PCNT: variants seen among roughly 807,000 people sequenced by gnomAD.
PCNT encodes pericentrin.
In PCNT, 319 loss-of-function variants were observed where a neutral mutation model predicts 380.4. The ratio of observed to expected loss-of-function variants is 0.84; its 90% CI spans 0.77 to 0.92. The LOEUF (loss-of-function observed/expected upper bound fraction) is 0.92. Ranked by LOEUF, PCNT falls within the 40% of genes least tolerant of loss-of-function variation. PCNT has a pLI of 0.00. For synonymous variants in PCNT, 1,845 were observed against 1,735.2 expected (o/e 1.06, Z -1.57); for missense variants, 4,400 against 4,255.3 (o/e 1.03, Z -0.95).
intron 15 of PCNT, among the ~76,000 whole-genome samples, chr21:46,380,210 A>G (rs1393356926): frequency 2.4e-4 from 28 of 118,330 alleles, no homozygotes; most frequent in African/African-American, 8.0e-4. Context: ...CGCCCAGGCT[A>G]GAGTGCAGTG....
At chr21:46,393,016 G>A (rs993403583) in intron 21 of PCNT, among the ~76,000 whole-genome samples, 24 of 152,116 alleles carry the variant, frequency 1.6e-4, no homozygotes, top group South Asian at 2.1e-4. Context: ...TTTATTTGCC[G>A]CACCTCCTGG....
At chr21:46,359,400 G>A (rs984569856) in intron 13 of PCNT, among the ~76,000 whole-genome samples, 4 of 143,660 alleles carry the variant, frequency 2.8e-5, no homozygotes, top group African/African-American at 7.7e-5. Flanking sequence ...GTTGTTACAC[G>A]TGTACACATT....
chr21:46,401,769 C>T (rs2086436455), intron 26 of PCNT, 48 bp downstream of exon 26: 1 of 1,584,594 alleles, frequency 6.3e-7, no homozygotes, highest in Admixed American at 1.7e-5. Context: ...GGTCAGTGTC[C>T]AGTGGGCTTC....
chr21:46,364,039 G>A (rs1239624979), intron 14 of PCNT, 105 bp downstream of exon 14: 6 of 1,022,616 alleles, frequency 5.9e-6, no homozygotes, highest in Non-Finnish European at 7.4e-6. Flanking sequence ...TCCACTGGGC[G>A]AAAAGGTCTG....
rs542067233 is a variant in PCNT, at chr21:46,381,191, A to T, written c.3166-503A>T. Among the ~76,000 whole-genome samples, 134 of 97,878 alleles carry T rather than the reference A, an allele frequency of 1.4e-3. 18 individuals are homozygous for T. The highest frequency in any genetic ancestry group is 7.1e-3 in the African/African-American group (113 of 15,926). The allele number at this position is 97,878 out of a possible 152,430, so 64.2% of individuals were successfully genotyped here. A position where few individuals can be genotyped will look rare whatever the true frequency, so the allele number is the denominator to read the frequency against. Reference sequence around the variant, plus strand: ...AGTCCTTCCAAAAAAAAAAAAAAAAAATCTCTGTGTGTGTGTGTGTGTGTG... The same window carrying T: ...AGTCCTTCCAAAAAAAAAAAAAAAATATCTCTGTGTGTGTGTGTGTGTGTG... On this transcript the variant is annotated intron_variant, in intron 15 of 46. Coordinates refer to ENST00000359568, the MANE Select transcript of PCNT (RefSeq NM_006031.6).
chr21:46,360,677 C>G (rs1302835989), intron 13 of PCNT, among the ~76,000 whole-genome samples: 1 of 152,044 alleles, frequency 6.6e-6, no homozygotes, highest in African/African-American at 2.4e-5. Flanking sequence ...CGCCACCACA[C>G]CCAGCTAATT....
chr21:46,443,941 G>A lies in PCNT; in HGVS notation c.9832G>A (p.Gly3278Arg), dbSNP rs2053680524. The change falls in exon 45 of 47, where the codon GGG (glycine) becomes AGG (arginine). Residue 3278 changes from glycine (G) to arginine (R), a missense_variant. Coordinates refer to ENST00000359568, the MANE Select transcript of PCNT (RefSeq NM_006031.6). ...RLAAAASPHS[G>R]GRATPSPNSR... ...GGCAGCAGCAGCCTCCCCACACAGTGGGGGAAGGTCAGTGTGATGCCTTCA... is the reference window on the plus strand; with the variant it reads ...GGCAGCAGCAGCCTCCCCACACAGTAGGGGAAGGTCAGTGTGATGCCTTCA... 8.7e-6 allele frequency: 14 copies of A among 1,612,194 alleles called. No individual in the cohort carries two copies. Among genetic ancestry groups the A allele is most frequent in the Non-Finnish European group, 1.1e-5 (13 of 1,179,870 alleles).
chr21:46,357,117 C>G lies in PCNT; in HGVS notation c.2080C>G (p.Leu694Val). Residue 694 changes from leucine (L) to valine (V), a missense_variant, in exon 13 of 47, where the codon CTC becomes GTC. Transcript: ENST00000359568. ...LQTELKEEIE[L>V]LKIENRNLYG... ...GACTGAGCTCAAAGAAGAAATTGAACTCCTAAAAATAGAAAATAGAAATTT... is the reference window on the plus strand; with the variant it reads ...GACTGAGCTCAAAGAAGAAATTGAAGTCCTAAAAATAGAAAATAGAAATTT... The G allele has an allele frequency of 1.2e-6, 2 of 1,613,894 alleles. No homozygotes were observed. Among genetic ancestry groups the G allele is most frequent in the Non-Finnish European group, 1.7e-6 (2 of 1,179,744 alleles).
rs797045874 is a variant in PCNT at position 46,349,700 on chromosome 21, G to A, written c.1224G>A (p.Leu408=). Residue 408 remains leucine (L), a synonymous_variant, in exon 8 of 47, where the codon CTG becomes CTA. Transcript: ENST00000359568. ...CCTTTCTAGGGGCCCTTAGGAACCT[G>A]GAGAGTCATCATCAAGCAGCCATTG... ...KNQAERALRN[L]ESHHQAAIEK... 5 of 1,614,034 alleles carry A rather than the reference G, an allele frequency of 3.1e-6. No individual in the cohort carries two copies. The highest frequency in any genetic ancestry group is 1.3e-5 in the African/African-American group (1 of 75,032).
chr21:46,372,495 C>T (rs988776396), intron 15 of PCNT, among the ~76,000 whole-genome samples: 1 of 152,144 alleles, frequency 6.6e-6, no homozygotes, highest in African/African-American at 2.4e-5. Flanking sequence ...TGGGTCTGTA[C>T]GATTTTCTGG....
chr21:46,405,792 C>T (rs2147579414), intron 27 of PCNT, among the ~76,000 whole-genome samples: 1 of 152,232 alleles, frequency 6.6e-6, no homozygotes, highest in East Asian at 1.9e-4. Flanking sequence ...TAACTATAAT[C>T]TTATATAATG....
intron 45 of PCNT, 119 bp from the exon 46 acceptor site, chr21:46,444,575 C>G (rs1190969262): frequency 9.4e-7 from 1 of 1,060,406 alleles, no homozygotes; most frequent in Non-Finnish European, 1.4e-6. Flanking sequence ...CCCATCCCCA[C>G]GGGTCTGGTT....
intron 11 of PCNT, 108 bp downstream of exon 11, chr21:46,354,176 G>C: frequency 9.9e-7 from 1 of 1,010,014 alleles, no homozygotes; most frequent in Non-Finnish European, 1.5e-6. Flanking sequence ...ACCTTGTCCA[G>C]GGGAGGAAGG....
At chr21:46,359,722 C>T (rs183609795) in intron 13 of PCNT, among the ~76,000 whole-genome samples, 1 of 134,932 alleles carries the variant, frequency 7.4e-6, no homozygotes, top group African/African-American at 2.7e-5. Flanking sequence ...CTCCTGACCT[C>T]ATGATCTGCC....
intron 27 of PCNT, among the ~76,000 whole-genome samples, chr21:46,405,822 T>C (rs1176098827): frequency 2.0e-5 from 3 of 152,234 alleles, no homozygotes. Flanking sequence ...TAAAAAATAG[T>C]TTACATGTTA....
At chr21:46,431,370 A>C (rs1167609669) in intron 37 of PCNT, 159 bp from the exon 38 acceptor site, 1 of 1,468,164 alleles carries the variant, frequency 6.8e-7, no homozygotes, top group African/African-American at 1.4e-5. Flanking sequence ...TTACTTGATG[A>C]ACTAACAAAA....
chr21:46,383,828 T>C (rs1469798029), intron 16 of PCNT, among the ~76,000 whole-genome samples: 4 of 143,316 alleles, frequency 2.8e-5, no homozygotes, highest in Admixed American at 7.1e-5. Flanking sequence ...GTGCGTTCAG[T>C]GGCGGAAGCG....
intron 33 of PCNT, 91 bp downstream of exon 33, chr21:46,426,062 T>C: frequency 9.3e-7 from 1 of 1,073,018 alleles, no homozygotes; most frequent in South Asian, 1.5e-5. Context: ...GACACTAGGA[T>C]TTCTTTCTTT....
chr21:46,344,359 C>G (rs1431234719), intron 3 of PCNT, among the ~76,000 whole-genome samples: 2 of 152,194 alleles, frequency 1.3e-5, no homozygotes, highest in East Asian at 3.9e-4. Context: ...CAGGTGTGAA[C>G]CACCGCGCCC....
Sources: allele counts gnomAD v4.1 joint callset (sites outside exome capture counted in the v4.1 genomes callset), GRCh38; gene constraint gnomAD v4.1.1; transcripts MANE v1.5; gene names NCBI Gene and HGNC (gene_info 2026-07-23, HGNC 2026-07-21).